FYB1: variants seen among roughly 807,000 people sequenced by gnomAD.
FYB1 encodes FYN binding protein 1.
FYB1 carries 41 observed loss-of-function variants against 94.1 expected under a neutral mutation model. The observed-to-expected ratio is 0.44, with a 90% CI of 0.34 to 0.57. FYB1 has a LOEUF of 0.57. FYB1 is among the 20% of genes least tolerant of loss of function. The pLI, the probability that FYB1 is intolerant of heterozygous loss-of-function variation, is 0.02. For missense variants in FYB1, 1,050 were observed against 976.8 expected (o/e 1.07, Z -1.00); for synonymous variants, 367 against 353.2 (o/e 1.04, Z -0.44).
intron 1 of FYB1, among the ~76,000 whole-genome samples, chr5:39,268,952 C>T (rs1752553734): frequency 6.6e-6 from 1 of 152,218 alleles, no homozygotes; most frequent in Non-Finnish European, 1.5e-5. Context: ...AGTTAAACTT[C>T]CTTTTTTCCT....
rs576970991 is a variant in FYB1, at chr5:39,238,002, T to C, written c.-27-35015A>G. ...TTATGACATTTACAAATCATACAAG[T>C]ATGGGAGGAATAGCTAATACATCGG... is the stretch of plus-strand genomic sequence containing the variant. On this transcript the variant is annotated intron_variant, in intron 1 of 1. Transcript: ENST00000510188. Among the ~76,000 whole-genome samples, 63 of 152,138 alleles carry C rather than the reference T, an allele frequency of 4.1e-4. 1 individual carries two copies. The South Asian group carries it at 5.2e-3, about 13-fold the overall frequency.
chr5:39,148,047 G>T (rs1213705269), intron 3 of FYB1, among the ~76,000 whole-genome samples: 1 of 148,782 alleles, frequency 6.7e-6, no homozygotes, highest in Non-Finnish European at 1.5e-5. Context: ...ACCCTAGGGA[G>T]AATTGTAAAC....
intron 1 of FYB1, among the ~76,000 whole-genome samples, chr5:39,273,851 A>G: frequency 6.6e-6 from 1 of 152,284 alleles, no homozygotes. Context: ...TAGATAAAGG[A>G]AAGAACACTA....
intron 2 of FYB1, among the ~76,000 whole-genome samples, chr5:39,189,611 T>G (rs1490378610): frequency 6.6e-6 from 1 of 152,006 alleles, no homozygotes; most frequent in Non-Finnish European, 1.5e-5. Context: ...CTGGCTTTTA[T>G]TTTTTTGCCT....
Position 39,139,344 on chromosome 5 carries a change from T to C in FYB1, c.1340-92A>G, listed in dbSNP as rs112325304. 29 of 1,068,144 alleles carry C rather than the reference T, an allele frequency of 2.7e-5. 1 individual carries two copies. The African/African-American group carries it at 3.7e-4, about 14-fold the overall frequency. The allele number at this position is 1,068,144 out of a possible 1,614,324, so 66.2% of individuals were successfully genotyped here. ...GGATATGATATAATAATATTCAAAATAGTTCATAATCTAACAGAACTTATG... is the reference window on the plus strand; with the variant it reads ...GGATATGATATAATAATATTCAAAACAGTTCATAATCTAACAGAACTTATG... On this transcript the variant is annotated intron_variant, in intron 4 of 18. Transcript: ENST00000512982.
intron 2 of FYB1, among the ~76,000 whole-genome samples, chr5:39,190,670 A>T (rs1340306546): frequency 3.3e-5 from 5 of 152,230 alleles, no homozygotes; most frequent in African/African-American, 1.2e-4. Context: ...TAACTCAAAG[A>T]AACAGCGATT....
chr5:39,210,035 G>T (rs143030264), intron 1 of FYB1, among the ~76,000 whole-genome samples: 1 of 152,236 alleles, frequency 6.6e-6, no homozygotes, highest in African/African-American at 2.4e-5. Context: ...CTTGACTCTC[G>T]CCGCAAATTA....
chr5:39,208,645 G>A (rs1749069955), intron 1 of FYB1, among the ~76,000 whole-genome samples: 1 of 152,196 alleles, frequency 6.6e-6, no homozygotes, highest in South Asian at 2.1e-4. Context: ...ATGAGTACAA[G>A]AGAAACGGTT....
chr5:39,202,605 T>A lies in FYB1; in HGVS notation c.356A>T (p.Asn119Ile). Residue 119 changes from asparagine (N) to isoleucine (I), a missense_variant, in exon 2 of 19, where the codon AAC (asparagine) becomes ATC (isoleucine). Physicochemically the swap from Asn to Ile is moderately radical, Grantham distance 149. Transcript: ENST00000512982. ...AGGTTTGGAATCTTCTTTGGGCAAG[T>A]TGATGGGCTTGGGGCCTACAGGTTT... ...FLKPVGPKPI[N>I]LPKEDSKPTF... 1.2e-6 allele frequency: 2 copies of A among 1,613,934 alleles called. No individual in the cohort carries two copies. Among genetic ancestry groups the A allele is most frequent in the Non-Finnish European group, 1.7e-6 (2 of 1,179,864 alleles).
intron 16 of FYB1, among the ~76,000 whole-genome samples, chr5:39,116,271 A>G (rs886104984): frequency 1.2e-4 from 18 of 152,218 alleles, no homozygotes; most frequent in South Asian, 4.1e-4. Context: ...ATAAAAAGCA[A>G]CATGTATATA....
intron 1 of FYB1, chr5:39,270,667 T>C: frequency 1.6e-6 from 2 of 1,243,608 alleles, no homozygotes; most frequent in Non-Finnish European, 2.2e-6. Context: ...CAGAGTGTAC[T>C]TCCTTTTCTG....
At chr5:39,187,747 G>A (rs1723841404) in intron 2 of FYB1, among the ~76,000 whole-genome samples, 1 of 152,148 alleles carries the variant, frequency 6.6e-6, no homozygotes, top group Non-Finnish European at 1.5e-5. Flanking sequence ...GCAGCTCTTA[G>A]ACTGACACCC....
chr5:39,150,320 G>A (rs148159083), intron 3 of FYB1, among the ~76,000 whole-genome samples: 3 of 152,240 alleles, frequency 2.0e-5, no homozygotes, highest in East Asian at 3.9e-4. Flanking sequence ...AGTACCTGAT[G>A]TTAACCAACC....
chr5:39,162,787 C>T (rs1358771378), intron 2 of FYB1, among the ~76,000 whole-genome samples: 3 of 151,816 alleles, frequency 2.0e-5, no homozygotes, highest in Non-Finnish European at 4.4e-5. Context: ...TATATTATCA[C>T]ACATTTTTGG....
chr5:39,215,764 T>C (rs939750407), intron 1 of FYB1, among the ~76,000 whole-genome samples: 1 of 152,172 alleles, frequency 6.6e-6, no homozygotes, highest in African/African-American at 2.4e-5. Flanking sequence ...GGAATGCAGA[T>C]GTTGGTTGCT....
At chr5:39,212,572 T>A (rs1749494344) in intron 1 of FYB1, 1 of 152,230 alleles carries the variant, frequency 6.6e-6, no homozygotes, top group Non-Finnish European at 1.5e-5. Context: ...ATTTGGTATT[T>A]AGTAATCAGG....
chr5:39,268,768 T>C (rs1040023439), intron 1 of FYB1, among the ~76,000 whole-genome samples: 1 of 152,112 alleles, frequency 6.6e-6, no homozygotes, highest in Admixed American at 6.5e-5. Flanking sequence ...TTTCATCATG[T>C]TGGTCAGGCA....
At chr5:39,122,480 T>C (rs1357667735) in intron 13 of FYB1, 78 bp from the exon 14 acceptor site, 4 of 851,500 alleles carry the variant, frequency 4.7e-6, no homozygotes, top group Non-Finnish European at 7.7e-6. Context: ...ATGTTTTTAA[T>C]ATAAAGATTG....
intron 2 of FYB1, among the ~76,000 whole-genome samples, chr5:39,164,634 C>T (rs185888380): frequency 4.6e-5 from 7 of 152,190 alleles, no homozygotes; most frequent in South Asian, 2.1e-4. Context: ...AGGCTGGTCT[C>T]GAACTCCTGA....
Sources: gnomAD v4.1 joint callset for allele counts (sites outside exome capture counted in the v4.1 genomes callset) on GRCh38, gnomAD v4.1.1 for gene constraint, MANE v1.5 for transcripts, NCBI Gene and HGNC (gene_info 2026-07-23, HGNC 2026-07-21) for gene names.